RALGAPB: variants seen among roughly 807,000 people sequenced by gnomAD.
RALGAPB encodes ral GTPase-activating protein subunit beta.
RALGAPB carries 25 observed loss-of-function variants against 161.1 expected under a neutral mutation model. The observed-to-expected ratio is 0.16, with a 90% CI of 0.11 to 0.22. The LOEUF (loss-of-function observed/expected upper bound fraction) is 0.22. Ranked by LOEUF, RALGAPB falls within the 10% of genes least tolerant of loss-of-function variation. The probability of loss-of-function intolerance (pLI) is 1.00; values close to 1 mark genes in which losing one functional copy is unlikely to be tolerated. For missense variants in RALGAPB, 1,391 were observed against 1,815.2 expected (o/e 0.77, Z 4.25); for synonymous variants, 629 against 626.1 (o/e 1.00, Z -0.07).
At chr20:38,541,302 T>C (rs2086956505) in intron 18 of RALGAPB, 110 bp downstream of exon 18, 7 of 1,062,532 alleles carry the variant, frequency 6.6e-6, no homozygotes, top group Non-Finnish European at 3.8e-6. Context: ...ATGCAGCCCC[T>C]TTAGAATATA....
At chr20:38,549,004 CA>C (rs905180491) in intron 20 of RALGAPB, among the ~76,000 whole-genome samples, 2 of 152,160 alleles carry the variant, frequency 1.3e-5, no homozygotes, top group Non-Finnish European at 1.5e-5. Context: ...GGTGTCTTTT[CA>C]AAAAGCTTTC....
chr20:38,519,718 T>C (rs192887314), intron 9 of RALGAPB, among the ~76,000 whole-genome samples: 3 of 152,304 alleles, frequency 2.0e-5, no homozygotes, highest in African/African-American at 4.8e-5. Context: ...CCAGGAGATA[T>C]GAGGTGTCCA....
rs1229273572 is a variant in RALGAPB at position 38,569,966 on chromosome 20, G to C, written c.4033G>C (p.Val1345Leu). The C allele has an allele frequency of 1.2e-6, 2 of 1,613,426 alleles. No homozygotes were observed. Among genetic ancestry groups the C allele is most frequent in the South Asian group, 1.1e-5 (1 of 91,052 alleles). The change falls in exon 27 of 30, where the codon GTA becomes CTA. Residue 1345 changes from valine to leucine, a missense_variant. Coordinates refer to ENST00000262879, the MANE Select transcript of RALGAPB (RefSeq NM_020336.4). ...PPLGPETRVS[V>L]VWVERYDDIE... is the part of the protein sequence containing the mutation. ...CCTTGGACCTGAGACAAGAGTTTCTGTAGTCTGGGTGGAACGCTATGATGA... is the reference window on the plus strand; with the variant it reads ...CCTTGGACCTGAGACAAGAGTTTCTCTAGTCTGGGTGGAACGCTATGATGA...
intron 1 of RALGAPB, among the ~76,000 whole-genome samples, chr20:38,481,663 A>G (rs1010308915): frequency 1.3e-5 from 2 of 152,230 alleles, no homozygotes; most frequent in Non-Finnish European, 2.9e-5. Flanking sequence ...ACACAGAGCC[A>G]AACCATATCA....
At position 38,574,774 on chromosome 20, in the gene RALGAPB, G is replaced by C; in HGVS notation, c.4292G>C (p.Gly1431Ala). 2 of 1,612,734 alleles carry C rather than the reference G, an allele frequency of 1.2e-6. No homozygotes were observed. Residue 1431 changes from glycine to alanine, a missense_variant and splice_region_variant, in exon 30 of 30, where the codon GGC becomes GCC. Physicochemically the swap from Gly to Ala is moderately conservative, Grantham distance 60. Transcript: ENST00000262879. ...DGMIVSRRALGFLVRQTVINI... is the reference protein window; with the variant it reads ...DGMIVSRRALAFLVRQTVINI... ...TATTTTAAAACTCTCTATTTTCAAG[G>C]CTTTCTGGTGAGGCAGACTGTAATT...
chr20:38,492,656 A>G (rs1464357873), intron 2 of RALGAPB, among the ~76,000 whole-genome samples: 2 of 152,226 alleles, frequency 1.3e-5, no homozygotes, highest in East Asian at 1.9e-4. Flanking sequence ...TTTTTAGTTC[A>G]CAGAGCAAAT....
chr20:38,512,617 G>A (rs573405367), intron 6 of RALGAPB, among the ~76,000 whole-genome samples: 1 of 152,338 alleles, frequency 6.6e-6, no homozygotes, highest in Non-Finnish European at 1.5e-5. Flanking sequence ...GAATTAAAGT[G>A]ATACTGTTTT....
intron 5 of RALGAPB, among the ~76,000 whole-genome samples, chr20:38,505,605 T>A (rs2051577113): frequency 6.6e-6 from 1 of 152,050 alleles, no homozygotes; most frequent in African/African-American, 2.4e-5. Flanking sequence ...ACAGATAAAT[T>A]ATTAGCATCT....
At chr20:38,566,904 A>T (rs1161446985) in intron 25 of RALGAPB, among the ~76,000 whole-genome samples, 192 bp from the exon 26 acceptor site, 2 of 152,232 alleles carry the variant, frequency 1.3e-5, no homozygotes, top group Non-Finnish European at 2.9e-5. Context: ...TATGCGAGAG[A>T]TCTGTATAGC....
In RALGAPB at chr20:38,577,464, G is replaced by T. The variant is rs2145566171; in HGVS notation, c.*2497G>T. The T allele has an allele frequency of 6.6e-6, 1 of 152,300 alleles. No individual in the cohort carries two copies. Among genetic ancestry groups the T allele is most frequent in the South Asian group, 2.1e-4 (1 of 4,820 alleles). The allele number at this position is 152,300 out of a possible 1,614,324, so 9.4% of individuals were successfully genotyped here. ...GCTATATCTGTTGGGTATGCCGGGG[G>T]TGGATGAGTGTGGCATTCCGTGAAG... On this transcript the variant is annotated 3_prime_UTR_variant, in exon 30 of 30. Transcript: ENST00000262879.
At chr20:38,483,165 A>G (rs1392436320) in intron 1 of RALGAPB, among the ~76,000 whole-genome samples, 1 of 152,234 alleles carries the variant, frequency 6.6e-6, no homozygotes, top group African/African-American at 2.4e-5. Flanking sequence ...CTGGGATTAT[A>G]GGCGTGAGCC....
intron 21 of RALGAPB, 66 bp from the exon 22 acceptor site, chr20:38,553,801 A>AAAG (rs1555883671): frequency 1.2e-6 from 1 of 861,154 alleles, no homozygotes; most frequent in Non-Finnish European, 1.7e-6. Flanking sequence ...AAAAAAAAAA[A>AAAG]CACTTAAGAT....
At chr20:38,504,883 C>G (rs1381077354) in intron 5 of RALGAPB, among the ~76,000 whole-genome samples, 1 of 152,166 alleles carries the variant, frequency 6.6e-6, no homozygotes, top group African/African-American at 2.4e-5. Flanking sequence ...GAGATACCAT[C>G]TCACACCAGG....
chr20:38,525,874 T>A (rs1258880793), intron 12 of RALGAPB, 21 bp from the exon 13 acceptor site: 1 of 1,609,058 alleles, frequency 6.2e-7, no homozygotes, highest in East Asian at 2.2e-5. Context: ...TGATGTTAAA[T>A]ATTATTTGTT....
chr20:38,554,666 T>C (rs2087513969), intron 22 of RALGAPB, among the ~76,000 whole-genome samples: 2 of 152,184 alleles, frequency 1.3e-5, no homozygotes, highest in African/African-American at 4.8e-5. Context: ...ATCCATCTCA[T>C]TGATCATGTG....
At position 38,535,093 on chromosome 20, in the gene RALGAPB, T is replaced by C; in HGVS notation, c.2265T>C (p.Ala755=). ...LRDYALNTDS[A]AGLLIRSIHL... Reference sequence around the variant, plus strand: ...TCCTAGCTCTTAATACAGATTCAGCTGCTGGGCTCCTGATTCGCAGCATTC... The same window carrying C: ...TCCTAGCTCTTAATACAGATTCAGCCGCTGGGCTCCTGATTCGCAGCATTC... The change falls in exon 16 of 30, where the codon GCT becomes GCC. Residue 755 remains alanine, a synonymous_variant. Coordinates refer to ENST00000262879, the MANE Select transcript of RALGAPB (RefSeq NM_020336.4). 6.2e-7 allele frequency: 1 copy of C among 1,614,108 alleles called. No homozygotes were observed.
intron 1 of RALGAPB, among the ~76,000 whole-genome samples, chr20:38,481,474 G>C (rs2084970981): frequency 6.6e-6 from 1 of 152,168 alleles, no homozygotes; most frequent in Non-Finnish European, 1.5e-5. Flanking sequence ...GGCCAAGAGA[G>C]AACTTGTGCA....
At chr20:38,488,278 A>G in intron 1 of RALGAPB, 125 bp from the exon 2 acceptor site, 1 of 591,826 alleles carries the variant, frequency 1.7e-6, no homozygotes, top group Admixed American at 3.4e-5. Context: ...AGTTTGAAAA[A>G]CATTGATAGA....
At chr20:38,565,275 C>A in intron 24 of RALGAPB, 84 bp from the exon 25 acceptor site, 9 of 1,456,428 alleles carry the variant, frequency 6.2e-6, no homozygotes, top group Non-Finnish European at 8.4e-6. Flanking sequence ...ACTTTATTAA[C>A]CAGTTAACAT....
Sources: gnomAD v4.1 joint callset for allele counts (sites outside exome capture counted in the v4.1 genomes callset) on GRCh38, gnomAD v4.1.1 for gene constraint, MANE v1.5 for transcripts, NCBI Gene and HGNC (gene_info 2026-07-23, HGNC 2026-07-21) for gene names.